The following CDC42BPB variants were observed in gnomAD, a reference collection of about 807,000 sequenced individuals.
CDC42BPB encodes serine/threonine-protein kinase MRCK beta.
A neutral mutation model predicts 214.9 loss-of-function variants in CDC42BPB; 37 were observed. The ratio of observed to expected loss-of-function variants is 0.17; its 90% CI spans 0.13 to 0.23. The LOEUF (loss-of-function observed/expected upper bound fraction) is 0.23, where lower values mean the gene tolerates loss of function less well. Among genes scored for constraint, CDC42BPB ranks in the 10% least tolerant of loss-of-function variants. CDC42BPB has a pLI of 1.00. For synonymous variants in CDC42BPB, 931 were observed against 884.0 expected (o/e 1.05, Z -0.94); for missense variants, 1,694 against 2,227.0 (o/e 0.76, Z 4.82).
chr14:102,965,502 T>C (rs1893159924), intron 18 of CDC42BPB, among the ~76,000 whole-genome samples: 1 of 152,156 alleles, frequency 6.6e-6, no homozygotes, highest in African/African-American at 2.4e-5. Flanking sequence ...CCTGTTTTCT[T>C]ACTGAGTTGC....
intron 5 of CDC42BPB, among the ~76,000 whole-genome samples, chr14:102,991,490 G>C (rs1894486163): frequency 6.6e-6 from 1 of 152,218 alleles, no homozygotes; most frequent in South Asian, 2.1e-4. Flanking sequence ...CTGTACTGGA[G>C]GGAAGAAAAT....
intron 1 of CDC42BPB, among the ~76,000 whole-genome samples, chr14:103,033,942 T>C (rs1437894461): frequency 6.6e-6 from 1 of 152,212 alleles, no homozygotes; most frequent in African/African-American, 2.4e-5. Context: ...TGGCATTCCT[T>C]CTGGGTCATA....
intron 22 of CDC42BPB, 69 bp downstream of exon 22, chr14:102,954,533 C>A: frequency 6.8e-7 from 1 of 1,468,732 alleles, no homozygotes; most frequent in Non-Finnish European, 9.4e-7. Context: ...GCCAGGTGAG[C>A]AGCATCTGGT....
chr14:102,986,206 T>C (rs1364018311), intron 6 of CDC42BPB: 3 of 348,216 alleles, frequency 8.6e-6, no homozygotes, highest in Non-Finnish European at 1.6e-5. Context: ...AGGGCTGGCA[T>C]GCTTTTAGCC....
intron 1 of CDC42BPB, among the ~76,000 whole-genome samples, chr14:103,046,039 G>A (rs901690900): frequency 6.6e-6 from 1 of 152,156 alleles, no homozygotes; most frequent in African/African-American, 2.4e-5. Flanking sequence ...ACTTAACTGC[G>A]CAGCAGGGGC....
rs35667579 is a variant in CDC42BPB, at chr14:102,969,435, GA to G, written c.1995+715del. Among the ~76,000 whole-genome samples, 145 of 152,348 alleles carry G rather than the reference GA, an allele frequency of 9.5e-4. 1 individual carries two copies. The East Asian group carries it at 0.019, about 20-fold the overall frequency. Reference sequence around the variant, plus strand: ...AAGCTCACTCTGCCTGCTGTGCAGAGAGGAGACTCAAGGGCTGAGAAAGGGG... The same window carrying G: ...AAGCTCACTCTGCCTGCTGTGCAGAGGGAGACTCAAGGGCTGAGAAAGGGG... On this transcript the variant is annotated intron_variant, in intron 14 of 36. Coordinates refer to ENST00000361246, the MANE Select transcript of CDC42BPB (RefSeq NM_006035.4).
chr14:102,970,267 A>G lies in CDC42BPB; in HGVS notation c.1885-6T>C. The G allele has an allele frequency of 6.2e-7, 1 of 1,608,812 alleles. No individual in the cohort carries two copies. Among genetic ancestry groups the G allele is most frequent in the South Asian group, 1.1e-5 (1 of 89,942 alleles). Reference sequence around the variant, plus strand: ...TCATCAAGCTGAGCTTCCAGCTACAAAAGGAAGATCCAGTTTCTATTAACA... The same window carrying G: ...TCATCAAGCTGAGCTTCCAGCTACAGAAGGAAGATCCAGTTTCTATTAACA... On this transcript the variant is annotated splice_polypyrimidine_tract_variant and splice_region_variant and intron_variant, in intron 13 of 36. Coordinates refer to ENST00000361246, the MANE Select transcript of CDC42BPB (RefSeq NM_006035.4).
At chr14:102,984,290 AG>A (rs1595494105) in intron 6 of CDC42BPB, among the ~76,000 whole-genome samples, 1 of 152,152 alleles carries the variant, frequency 6.6e-6, no homozygotes, top group African/African-American at 2.4e-5. Context: ...TTTCATGTGC[AG>A]CACGCAGGGA....
chr14:103,008,264 T>C (rs1885960371), intron 3 of CDC42BPB, among the ~76,000 whole-genome samples: 1 of 152,174 alleles, frequency 6.6e-6, no homozygotes, highest in Admixed American at 6.5e-5. Flanking sequence ...TCAGGAACAG[T>C]GTCCAGCAAG....
chr14:103,050,000 C>A (rs1888515986), intron 1 of CDC42BPB, among the ~76,000 whole-genome samples: 1 of 152,232 alleles, frequency 6.6e-6, no homozygotes, highest in East Asian at 1.9e-4. Flanking sequence ...CATGAGCCAA[C>A]ACACCCGGCC....
intron 23 of CDC42BPB, 132 bp from the exon 24 acceptor site, chr14:102,952,735 T>C: frequency 6.8e-7 from 1 of 1,464,432 alleles, no homozygotes. Context: ...GTTCTGGTCT[T>C]GGTCTACGTG....
At chr14:102,980,599 A>G (rs1375860359) in intron 8 of CDC42BPB, among the ~76,000 whole-genome samples, 174 bp downstream of exon 8, 2 of 152,154 alleles carry the variant, frequency 1.3e-5, no homozygotes, top group Non-Finnish European at 2.9e-5. Flanking sequence ...GTCATCCATC[A>G]TTTTTTAAAG....
chr14:102,980,038 C>T (rs994878113), intron 8 of CDC42BPB, among the ~76,000 whole-genome samples: 6 of 152,214 alleles, frequency 3.9e-5, no homozygotes, highest in Admixed American at 3.9e-4. Context: ...TTAACGTGCT[C>T]TCACATGTAG....
intron 28 of CDC42BPB, 50 bp downstream of exon 28, chr14:102,946,418 G>T (rs753969364): frequency 1.4e-5 from 22 of 1,598,576 alleles, no homozygotes; most frequent in Non-Finnish European, 1.9e-5. Context: ...CAGCGCCGCC[G>T]GAAGTGCTGT....
intron 1 of CDC42BPB, among the ~76,000 whole-genome samples, chr14:103,035,796 C>T (rs569206614): frequency 6.6e-5 from 10 of 151,616 alleles, no homozygotes; most frequent in Admixed American, 4.6e-4. Flanking sequence ...GCGGAGATCA[C>T]GCCACTGCAT....
rs187278364 is a variant in CDC42BPB at position 103,057,342 on chromosome 14, C to T, written c.-169G>A. ...CGGCCTAGGCCGACATCTTGGGCTC[C>T]GTCCCGACGGCGCAGAGTCTGGGGC... is the stretch of plus-strand genomic sequence containing the variant. On this transcript the variant is annotated 5_prime_UTR_variant, in exon 1 of 37. Coordinates refer to ENST00000361246, the MANE Select transcript of CDC42BPB (RefSeq NM_006035.4). The T allele has an allele frequency of 2.0e-3, 2,042 of 1,024,930 alleles. 30 individuals are homozygous for T. In the African/African-American group the frequency reaches 0.033, roughly 16 times the overall value. 63.5% of individuals were successfully genotyped at this position (1,024,930 alleles called of 1,614,324 possible).
rs899354863 is a variant in CDC42BPB, at chr14:103,057,521, C to G, written c.-348G>C. 3.6e-4 allele frequency: 58 copies of G among 160,656 alleles called. No individual in the cohort carries two copies. The highest frequency in any genetic ancestry group is 1.6e-3 in the Admixed American group (23 of 14,792). 10.0% of individuals were successfully genotyped at this position (160,656 alleles called of 1,614,324 possible). On this transcript the variant is annotated 5_prime_UTR_variant, in exon 1 of 37. Coordinates refer to ENST00000361246, the MANE Select transcript of CDC42BPB (RefSeq NM_006035.4). ...ACTAGGAGCGGCGAGGAGCCTAGCG[C>G]TGCGCAAGCCCGGCCGGCGCCCGAG...
chr14:102,959,624 G>T lies in CDC42BPB; in HGVS notation c.2901+7C>A. ...ATCTGTCACTTAAAAAAAAAACAATGACTTACTCTAAATGTCAGGTCATGT... is the reference window on the plus strand; with the variant it reads ...ATCTGTCACTTAAAAAAAAAACAATTACTTACTCTAAATGTCAGGTCATGT... On this transcript the variant is annotated splice_region_variant and intron_variant, in intron 21 of 36. Transcript: ENST00000361246. The T allele has an allele frequency of 1.3e-6, 2 of 1,564,442 alleles. No homozygotes were observed. Among genetic ancestry groups the T allele is most frequent in the South Asian group, 1.2e-5 (1 of 85,828 alleles).
At chr14:102,971,554 A>C (rs1314941708) in intron 13 of CDC42BPB, among the ~76,000 whole-genome samples, 2 of 152,178 alleles carry the variant, frequency 1.3e-5, no homozygotes, top group African/African-American at 4.8e-5. Context: ...CGCCTCCCAC[A>C]GTGTTGGGAT....
Sources: gnomAD v4.1 joint callset for allele counts (sites outside exome capture counted in the v4.1 genomes callset) on GRCh38, gnomAD v4.1.1 for gene constraint, MANE v1.5 for transcripts, NCBI Gene and HGNC (gene_info 2026-07-23, HGNC 2026-07-21) for gene names.